Variants in GRIA3 observed in about 807,000 individuals in gnomAD.
GRIA3 encodes the protein glutamate receptor 3.
A neutral mutation model predicts 63.0 loss-of-function variants in GRIA3; 3 were observed. The observed-to-expected ratio is 0.05, with a 90% CI of 0.02 to 0.12. GRIA3 has a LOEUF of 0.12. Ranked by LOEUF, GRIA3 falls within the 10% of genes least tolerant of loss-of-function variation. GRIA3 has a pLI of 1.00. For synonymous variants in GRIA3, 274 were observed against 257.9 expected, an observed-to-expected ratio of 1.06 and a Z score of -0.60; for missense variants, 347 against 700.9, an observed-to-expected ratio of 0.50 and a Z score of 5.70.
chrX:123,201,697 CAA>C (rs373746999), intron 2 of GRIA3, among the ~76,000 whole-genome samples: 22 of 98,724 alleles, frequency 2.2e-4, no homozygotes, highest in African/African-American at 1.9e-4. Flanking sequence ...TGACCTTCAT[CAA>C]AAAAAAAAAA....
At chrX:123,346,200 T>C (rs2045048758) in intron 4 of GRIA3, among the ~76,000 whole-genome samples, 1 of 112,047 alleles carries the variant, frequency 8.9e-6, no homozygotes, top group African/African-American at 3.2e-5. Context: ...ATCCTTATTT[T>C]ACAGATAGAA....
At chrX:123,299,018 C>T (rs1445391356) in intron 3 of GRIA3, among the ~76,000 whole-genome samples, 4 of 110,426 alleles carry the variant, frequency 3.6e-5, no homozygotes, top group East Asian at 2.8e-4. Flanking sequence ...TCAGGTTTGT[C>T]GAAGATCAGA....
intron 3 of GRIA3, among the ~76,000 whole-genome samples, chrX:123,282,127 G>T (rs747018198): frequency 8.9e-6 from 1 of 112,463 alleles, no homozygotes; most frequent in Admixed American, 9.4e-5. Context: ...AAGTTCCCAG[G>T]TGATGCCAAT....
intron 4 of GRIA3, among the ~76,000 whole-genome samples, chrX:123,350,467 G>A (rs1303860372): frequency 9.0e-6 from 1 of 111,687 alleles, no homozygotes; most frequent in East Asian, 2.8e-4. Flanking sequence ...GCCTCCCAAC[G>A]GATCTGTGGG....
chrX:123,404,661 G>A, intron 9 of GRIA3, 47 bp from the exon 10 acceptor site: 1 of 967,491 alleles, frequency 1.0e-6, no homozygotes, highest in Non-Finnish European at 1.5e-6. Context: ...TCTTCTCTTA[G>A]AAAAATGTAT....
chrX:123,282,211 G>A, intron 3 of GRIA3, among the ~76,000 whole-genome samples: 1 of 112,185 alleles, frequency 8.9e-6, no homozygotes, highest in Non-Finnish European at 1.9e-5. Context: ...CTGTCTTGGA[G>A]TTAAAAGTGA....
At chrX:123,305,190 T>G (rs747318658) in intron 3 of GRIA3, among the ~76,000 whole-genome samples, 8 of 111,426 alleles carry the variant, frequency 7.2e-5, no homozygotes, top group African/African-American at 9.8e-5. Flanking sequence ...AAAAATGTAC[T>G]GTTTTCACGT....
intron 5 of GRIA3, among the ~76,000 whole-genome samples, chrX:123,368,138 T>G (rs766069809): frequency 9.0e-6 from 1 of 110,528 alleles, no homozygotes; most frequent in East Asian, 2.9e-4. Flanking sequence ...GTAATTGGAG[T>G]GTGTCTGATA....
intron 4 of GRIA3, among the ~76,000 whole-genome samples, chrX:123,339,374 C>A (rs139954578): frequency 0.038 from 4,286 of 111,854 alleles, 187 homozygotes; most frequent in African/African-American, 0.13. Context: ...CCATAAAAAG[C>A]AAGACATCAT....
chrX:123,219,902 G>A (rs1569401631), intron 2 of GRIA3, among the ~76,000 whole-genome samples: 1 of 112,564 alleles, frequency 8.9e-6, no homozygotes, highest in African/African-American at 3.2e-5. Flanking sequence ...ACTGAGGTTT[G>A]TGTCAGTTCA....
chrX:123,449,575 C>A (rs937397847), intron 12 of GRIA3, among the ~76,000 whole-genome samples: 1 of 111,905 alleles, frequency 8.9e-6, no homozygotes, highest in African/African-American at 3.2e-5. Flanking sequence ...CTGCAGCCAG[C>A]CACCTTTTTT....
chrX:123,292,100 G>A (rs1045215266), intron 3 of GRIA3, among the ~76,000 whole-genome samples: 1 of 111,199 alleles, frequency 9.0e-6, no homozygotes, highest in Admixed American at 9.5e-5. Context: ...ACTGAGCTTT[G>A]AGAACATAAT....
chrX:123,298,620 G>T (rs1224966680), intron 3 of GRIA3, among the ~76,000 whole-genome samples: 1 of 108,976 alleles, frequency 9.2e-6, no homozygotes, highest in African/African-American at 3.3e-5. Flanking sequence ...CCTTATAGAT[G>T]CTATATATTA....
intron 12 of GRIA3, among the ~76,000 whole-genome samples, chrX:123,433,134 A>C (rs1018304405): frequency 5.3e-5 from 6 of 112,152 alleles, no homozygotes; most frequent in Non-Finnish European, 1.1e-4. Context: ...GGAAATAGGC[A>C]GTAATTCTAG....
intron 5 of GRIA3, among the ~76,000 whole-genome samples, chrX:123,385,151 A>G (rs1174189112): frequency 8.9e-6 from 1 of 111,757 alleles, no homozygotes; most frequent in East Asian, 2.8e-4. Flanking sequence ...TTAAGTCCTT[A>G]ATCCATCTTG....
chrX:123,339,258 T>C (rs2044994120), intron 4 of GRIA3, among the ~76,000 whole-genome samples: 1 of 111,886 alleles, frequency 8.9e-6, no homozygotes, highest in African/African-American at 3.3e-5. Context: ...AAGGAACAAG[T>C]GAGTGGTTTT....
Position 123,289,420 on chromosome X carries a change from T to TA in GRIA3, c.508+35886dup, listed in dbSNP as rs111359323. ...GTATCCCAGAACTTAAAGTATAATT[T>TA]AAAAAAAATATATATATATATATAA... On this transcript the variant is annotated intron_variant, in intron 3 of 15. Transcript: ENST00000620443. Among the ~76,000 whole-genome samples the TA allele has an allele frequency of 6.1e-3, 607 of 99,049 alleles. 2 individuals are homozygous for TA. Among genetic ancestry groups the TA allele is most frequent in the East Asian group, 0.016 (44 of 2,676 alleles). The allele number at this position is 99,049 out of a possible 115,157, so 86.0% of individuals were successfully genotyped here. A position where few individuals can be genotyped will look rare whatever the true frequency, so the allele number is the denominator to read the frequency against.
chrX:123,207,504 C>G (rs1053822355), intron 2 of GRIA3, among the ~76,000 whole-genome samples: 3 of 111,553 alleles, frequency 2.7e-5, no homozygotes, highest in Admixed American at 1.9e-4. Context: ...CTCTTTTAAC[C>G]ACTATACCAT....
At chrX:123,388,745 T>C (rs945371739) in intron 5 of GRIA3, among the ~76,000 whole-genome samples, 4 of 112,337 alleles carry the variant, frequency 3.6e-5, no homozygotes, top group Non-Finnish European at 7.5e-5. Flanking sequence ...CATTATTGCT[T>C]TCCTTCTACT....
Sources: gnomAD v4.1 joint callset for allele counts (sites outside exome capture counted in the v4.1 genomes callset) on GRCh38, gnomAD v4.1.1 for gene constraint, MANE v1.5 for transcripts, NCBI Gene and HGNC (gene_info 2026-07-23, HGNC 2026-07-21) for gene names.